PTPRM: variants seen among roughly 807,000 people sequenced by gnomAD.
PTPRM encodes protein tyrosine phosphatase receptor type M, also known as receptor-type tyrosine-protein phosphatase mu.
In PTPRM, 47 loss-of-function variants were observed where a neutral mutation model predicts 186.7. The ratio of observed to expected loss-of-function variants is 0.25; its 90% CI spans 0.20 to 0.32. The LOEUF is 0.32. PTPRM is among the 10% of genes least tolerant of loss of function. The pLI is 1.00. For missense variants in PTPRM, 1,494 were observed against 1,865.0 expected, an observed-to-expected ratio of 0.80 and a Z score of 3.66; for synonymous variants, 668 against 674.9, an observed-to-expected ratio of 0.99 and a Z score of 0.16.
chr18:7,609,599 T>C (rs962126719), intron 1 of PTPRM, among the ~76,000 whole-genome samples: 1 of 151,900 alleles, frequency 6.6e-6, no homozygotes, highest in Non-Finnish European at 1.5e-5. Context: ...AGATATTTAC[T>C]GTCCGTGGAA....
chr18:8,006,407 G>A (rs1431206963), intron 7 of PTPRM, among the ~76,000 whole-genome samples: 3 of 152,176 alleles, frequency 2.0e-5, no homozygotes, highest in Non-Finnish European at 4.4e-5. Flanking sequence ...TTAGCAGGAA[G>A]CATTTGCATA....
At chr18:8,352,626 T>G (rs2095540107) in intron 23 of PTPRM, among the ~76,000 whole-genome samples, 1 of 106,764 alleles carries the variant, frequency 9.4e-6, no homozygotes, top group Non-Finnish European at 2.1e-5. Context: ...TCATTCTTTT[T>G]CTTTTCTTTT....
At chr18:7,955,990 C>T (rs371739871) in intron 7 of PTPRM, among the ~76,000 whole-genome samples, 11 of 152,216 alleles carry the variant, frequency 7.2e-5, no homozygotes, top group African/African-American at 1.9e-4. Context: ...AAACCCATTC[C>T]GCAACTTAAG....
intron 23 of PTPRM, among the ~76,000 whole-genome samples, chr18:8,356,305 G>A (rs1420513716): frequency 6.6e-6 from 1 of 152,200 alleles, no homozygotes; most frequent in Non-Finnish European, 1.5e-5. Context: ...CTTGACAGTA[G>A]TTATGTGTTA....
intron 2 of PTPRM, among the ~76,000 whole-genome samples, chr18:7,858,210 T>C (rs2047182997): frequency 6.6e-6 from 1 of 152,200 alleles, no homozygotes; most frequent in South Asian, 2.1e-4. Flanking sequence ...TCACCAATGC[T>C]TCCTTGAAAT....
At chr18:8,309,416 T>C (rs920888494) in intron 20 of PTPRM, among the ~76,000 whole-genome samples, 6 of 152,170 alleles carry the variant, frequency 3.9e-5, no homozygotes, top group Non-Finnish European at 5.9e-5. Context: ...AATAAATGTT[T>C]ATTGATTATA....
intron 1 of PTPRM, among the ~76,000 whole-genome samples, chr18:7,644,928 A>C (rs1343067370): frequency 6.6e-6 from 1 of 152,146 alleles, no homozygotes; most frequent in Non-Finnish European, 1.5e-5. Context: ...TAAACAATTA[A>C]TCATTCCTCA....
At chr18:8,103,881 A>C (rs977703875) in intron 11 of PTPRM, among the ~76,000 whole-genome samples, 4 of 152,176 alleles carry the variant, frequency 2.6e-5, no homozygotes, top group African/African-American at 9.6e-5. Flanking sequence ...AGAGGCTTGC[A>C]ACTCTTCCTT....
intron 14 of PTPRM, among the ~76,000 whole-genome samples, chr18:8,213,110 G>T (rs935605247): frequency 4.6e-5 from 7 of 152,166 alleles, no homozygotes; most frequent in Non-Finnish European, 8.8e-5. Context: ...GGGGCACCCT[G>T]TCCACTTGCC....
chr18:8,085,821 G>C lies in PTPRM; in HGVS notation c.1702G>C (p.Ala568Pro). Residue 568 changes from alanine (A) to proline (P), a missense_variant, in exon 10 of 33, where the codon GCT (alanine) becomes CCT (proline). Ala to Pro is a conservative substitution (Grantham distance 27). This residue lies in a region of PTPRM where 1,107 missense variants were observed against 1,350.2 expected (regional missense o/e 0.82). Transcript: ENST00000580170. ...TYSFTIRAST[A>P]KGFGPPATNQ... is the part of the protein sequence containing the mutation. Reference sequence around the variant, plus strand: ...CTCCTTTACCATCCGAGCTAGCACAGCTAAGGGTTTTGGGCCTCCAGCAAC... The same window carrying C: ...CTCCTTTACCATCCGAGCTAGCACACCTAAGGGTTTTGGGCCTCCAGCAAC... 1 of 1,613,452 alleles carries C rather than the reference G, an allele frequency of 6.2e-7. No homozygotes were observed. Among genetic ancestry groups the C allele is most frequent in the East Asian group, 2.2e-5 (1 of 44,862 alleles).
intron 23 of PTPRM, among the ~76,000 whole-genome samples, chr18:8,356,087 G>A (rs1208696094): frequency 6.6e-6 from 1 of 152,244 alleles, no homozygotes; most frequent in East Asian, 1.9e-4. Context: ...ATGAATGGAT[G>A]AAATGGATGT....
At chr18:7,928,058 C>T (rs2051275945) in intron 5 of PTPRM, among the ~76,000 whole-genome samples, 2 of 152,102 alleles carry the variant, frequency 1.3e-5, no homozygotes, top group Non-Finnish European at 2.9e-5. Flanking sequence ...TATTTTTATT[C>T]TTCTCTTTCT....
intron 1 of PTPRM, among the ~76,000 whole-genome samples, chr18:7,676,951 G>A (rs117996786): frequency 0.016 from 2,433 of 152,282 alleles, 33 homozygotes; most frequent in Non-Finnish European, 0.026. Flanking sequence ...TGCCAGTGAA[G>A]TCACTGATAA....
chr18:7,760,848 A>C (rs530121184), intron 1 of PTPRM, among the ~76,000 whole-genome samples: 1 of 152,102 alleles, frequency 6.6e-6, no homozygotes, highest in South Asian at 2.1e-4. Flanking sequence ...TCTGGTGGCA[A>C]ATCTACATTC....
chr18:7,910,631 GA>G (rs2050213145), intron 4 of PTPRM, among the ~76,000 whole-genome samples: 2 of 152,146 alleles, frequency 1.3e-5, no homozygotes, highest in African/African-American at 2.4e-5. Context: ...GCAAACATCT[GA>G]TTGGTTGCAG....
chr18:7,888,377 G>A lies in PTPRM; in HGVS notation c.468G>A (p.Gln156=). The change falls in exon 3 of 33, where the codon CAG becomes CAA. Residue 156 remains glutamine, a splice_region_variant and synonymous_variant. Coordinates refer to ENST00000580170, the MANE Select transcript of PTPRM (RefSeq NM_001105244.2). ...AISTFWPNFY[Q]VIFEVITSGH... is the part of the protein sequence containing the mutation. ...GTACTTTCTGGCCTAACTTTTATCA[G>A]GTATGTGCTTTCTTTTTATTACATA... The A allele has an allele frequency of 1.9e-6, 3 of 1,573,434 alleles. No individual in the cohort carries two copies. The highest frequency in any genetic ancestry group is 2.6e-6 in the Non-Finnish European group (3 of 1,162,948).
At chr18:8,208,867 CA>C (rs1174709513) in intron 14 of PTPRM, among the ~76,000 whole-genome samples, 1 of 152,148 alleles carries the variant, frequency 6.6e-6, no homozygotes, top group Non-Finnish European at 1.5e-5. Context: ...ATGAAGACAT[CA>C]GGGGAAAGAA....
At chr18:7,583,129 C>T (rs1190759588) in intron 1 of PTPRM, among the ~76,000 whole-genome samples, 1 of 152,162 alleles carries the variant, frequency 6.6e-6, no homozygotes, top group East Asian at 1.9e-4. Flanking sequence ...TGTCTACAAA[C>T]CCCAAAGGGT....
chr18:7,734,321 G>A (rs2040723447), intron 1 of PTPRM, among the ~76,000 whole-genome samples: 1 of 152,156 alleles, frequency 6.6e-6, no homozygotes, highest in South Asian at 2.1e-4. Context: ...AAGCAAATGA[G>A]GGCACAGTGC....
Sources: allele counts gnomAD v4.1 joint callset (sites outside exome capture counted in the v4.1 genomes callset), GRCh38; gene constraint gnomAD v4.1.1; regional missense constraint gnomAD v4.1.1; transcripts MANE v1.5; gene names NCBI Gene and HGNC (gene_info 2026-07-23, HGNC 2026-07-21).